The following PDXDC1 variants were observed in gnomAD, a reference collection of about 807,000 sequenced individuals.
PDXDC1 encodes the protein pyridoxal-dependent decarboxylase domain-containing protein 1.
Under a neutral mutation model 100.1 loss-of-function variants are expected in PDXDC1, and 42 were observed. That is an observed-to-expected ratio of 0.42 (90% CI 0.33 to 0.54). The LOEUF (loss-of-function observed/expected upper bound fraction) is 0.54, where lower values mean the gene tolerates loss of function less well. PDXDC1 is among the 20% of genes least tolerant of loss of function. PDXDC1 has a pLI of 0.10. For missense variants in PDXDC1, 636 were observed against 979.2 expected (o/e 0.65, Z 4.68); for synonymous variants, 260 against 371.7 (o/e 0.70, Z 3.46).
intron 16 of PDXDC1, chr16:15,063,183 A>G (rs368741708): frequency 6.5e-5 from 101 of 1,558,436 alleles, no homozygotes; most frequent in Non-Finnish European, 8.9e-5. Context: ...TGCTCAATCA[A>G]TCACAAACTG....
At chr16:14,989,293 G>C in intron 1 of PDXDC1, 1 of 1,613,350 alleles carries the variant, frequency 6.2e-7, no homozygotes, top group Non-Finnish European at 8.5e-7. Context: ...CCAGAGACGT[G>C]CACCACCCAC....
chr16:15,033,714 G>T (rs1026712856), intron 19 of PDXDC1, among the ~76,000 whole-genome samples: 2 of 152,188 alleles, frequency 1.3e-5, no homozygotes, highest in African/African-American at 4.8e-5. Context: ...CAAGGTCAGG[G>T]AGGACTTCTG....
the PDXDC1 span, among the ~76,000 whole-genome samples, chr16:15,147,910 T>C: frequency 2.0e-5 from 3 of 152,042 alleles, no homozygotes; most frequent in Non-Finnish European, 2.9e-5. Flanking sequence ...TGGTCACAAA[T>C]TCCTGACCTT....
intron 16 of PDXDC1, among the ~76,000 whole-genome samples, chr16:15,114,913 TAA>T (rs568603541): frequency 2.9e-5 from 3 of 103,194 alleles, no homozygotes; most frequent in African/African-American, 6.2e-5. Context: ...GCTGATGATC[TAA>T]AAAAAAAAAA....
intron 5 of PDXDC1, among the ~76,000 whole-genome samples, chr16:15,004,766 T>C (rs1973905269): frequency 6.6e-6 from 1 of 152,250 alleles, no homozygotes; most frequent in African/African-American, 2.4e-5. Context: ...CTCAAATCCC[T>C]TATATAAAAT....
At chr16:15,132,695 G>T (rs542078945) in intron 16 of PDXDC1, 1 of 816,360 alleles carries the variant, frequency 1.2e-6, no homozygotes, top group African/African-American at 1.7e-5. Flanking sequence ...CATGCGGGGC[G>T]GGGTGAGCAT....
chr16:15,028,573 G>A (rs1279929024), intron 14 of PDXDC1, among the ~76,000 whole-genome samples: 6 of 152,308 alleles, frequency 3.9e-5, no homozygotes, highest in Admixed American at 2.0e-4. Flanking sequence ...CACAGACCTC[G>A]CACGGTGCTT....
In PDXDC1 at chr16:15,063,102, T is replaced by C. The variant is rs1163824098; in HGVS notation, c.1399+33046T>C. On this transcript the variant is annotated intron_variant, in intron 16 of 16. Coordinates refer to the PDXDC1 transcript ENST00000535621. ...GCCTTGACCCCCTAAAGTGCGGGGA[T>C]TACACGCACGAACGACTTGCCACTT... The C allele has an allele frequency of 3.2e-6, 3 of 936,038 alleles. No individual in the cohort carries two copies. In the African/African-American group the frequency reaches 4.9e-5, roughly 15 times the overall value. The allele number at this position is 936,038 out of a possible 1,614,324, so 58.0% of individuals were successfully genotyped here.
chr16:14,984,500 T>TTC, intron 1 of PDXDC1, among the ~76,000 whole-genome samples: 1 of 137,322 alleles, frequency 7.3e-6, no homozygotes, highest in South Asian at 2.5e-4. Flanking sequence ...TATATATTTT[T>TTC]TTTTTTTTTT....
intron 16 of PDXDC1, among the ~76,000 whole-genome samples, chr16:15,066,513 G>A (rs1441271050): frequency 1.3e-5 from 2 of 151,802 alleles, no homozygotes; most frequent in Admixed American, 1.3e-4. Context: ...GGCGCCTGTA[G>A]TCCCAGCTAT....
chr16:15,135,073 A>C (rs930827392), intron 16 of PDXDC1: 2 of 583,560 alleles, frequency 3.4e-6, no homozygotes, highest in South Asian at 3.8e-5. Flanking sequence ...TCACTAGAGC[A>C]TATGTGGCTT....
At chr16:15,084,458 A>G (rs763294326) in intron 16 of PDXDC1, among the ~76,000 whole-genome samples, 11 of 122,284 alleles carry the variant, frequency 9.0e-5, no homozygotes, top group Admixed American at 4.2e-4. Context: ...AAAAACAATT[A>G]AAGAGAATAA....
chr16:15,044,217 C>G lies in PDXDC1; in HGVS notation c.1399+14161C>G, dbSNP rs550846517. On this transcript the variant is annotated intron_variant, in intron 16 of 16. Coordinates refer to the PDXDC1 transcript ENST00000535621. The stretch of plus-strand genomic sequence containing the variant: ...AAGCTGGGCAGTCTGTTTCTCTGTG[C>G]TGCTCCAAGTGGGTGTGCCCTTCTT... 5.0e-5 allele frequency: 34 copies of G among 685,432 alleles called. No homozygotes were observed. In the East Asian group the frequency reaches 8.6e-4, roughly 17 times the overall value. 42.5% of individuals were successfully genotyped at this position (685,432 alleles called of 1,614,324 possible). A position where few individuals can be genotyped will look rare whatever the true frequency, so the allele number is the denominator to read the frequency against.
chr16:15,029,870 G>A, intron 15 of PDXDC1, 81 bp from the exon 16 acceptor site: 1 of 1,322,020 alleles, frequency 7.6e-7, no homozygotes, highest in Non-Finnish European at 1.1e-6. Flanking sequence ...TCTTTGGTCT[G>A]GGGCCGAGGG....
intron 16 of PDXDC1, chr16:15,103,456 C>G (rs578101371): frequency 1.6e-6 from 1 of 632,476 alleles, no homozygotes; most frequent in South Asian, 1.9e-5. Flanking sequence ...ACCACTGCTT[C>G]CAAGTCTCTA....
intron 16 of PDXDC1, among the ~76,000 whole-genome samples, chr16:15,096,102 TTTTTTTG>T (rs900854109): frequency 1.3e-5 from 2 of 151,670 alleles, no homozygotes; most frequent in South Asian, 2.1e-4. Context: ...AGCAATTTGG[TTTTTTTG>T]TTTTTTGTTT....
At chr16:15,046,781 C>T (rs1211317661) in intron 16 of PDXDC1, among the ~76,000 whole-genome samples, 1 of 148,642 alleles carries the variant, frequency 6.7e-6, no homozygotes, top group Non-Finnish European at 1.5e-5. Flanking sequence ...AGGCTGAGGT[C>T]GGAGAATCAC....
intron 16 of PDXDC1, chr16:15,133,790 C>T: frequency 6.3e-7 from 1 of 1,587,194 alleles, no homozygotes; most frequent in Non-Finnish European, 8.6e-7. Flanking sequence ...CAGGCCTGTA[C>T]TCACCCGTGC....
At chr16:14,987,426 TGTGTAGAG>T (rs1969626178) in intron 1 of PDXDC1, among the ~76,000 whole-genome samples, 5 of 152,410 alleles carry the variant, frequency 3.3e-5, no homozygotes, top group African/African-American at 4.8e-5. Context: ...GGAAGTAATG[TGTGTAGAG>T]GCGTTAATTA....
Sources: allele counts gnomAD v4.1 joint callset (sites outside exome capture counted in the v4.1 genomes callset), GRCh38; gene constraint gnomAD v4.1.1; transcripts MANE v1.5; gene names NCBI Gene and HGNC (gene_info 2026-07-23, HGNC 2026-07-21).